MYO10: variants seen among roughly 807,000 people sequenced by gnomAD.
MYO10 encodes unconventional myosin-X.
MYO10 carries 133 observed loss-of-function variants against 257.3 expected under a neutral mutation model. That is an observed-to-expected ratio of 0.52 (90% confidence interval 0.45 to 0.60). The LOEUF (loss-of-function observed/expected upper bound fraction) is 0.60. Among genes scored for constraint, MYO10 ranks in the 20% least tolerant of loss-of-function variants. The pLI is 0.00. For missense variants in MYO10, 2,399 were observed against 2,635.7 expected (o/e 0.91, Z 1.97); for synonymous variants, 1,104 against 1,028.6 (o/e 1.07, Z -1.40).
At chr5:16,862,591 CA>C (rs1561024343) in intron 2 of MYO10, among the ~76,000 whole-genome samples, 1 of 152,096 alleles carries the variant, frequency 6.6e-6, no homozygotes, top group East Asian at 1.9e-4. Flanking sequence ...ACAACAAAAG[CA>C]TAGTATTTAT....
intron 19 of MYO10, among the ~76,000 whole-genome samples, chr5:16,748,473 G>A (rs1740277809): frequency 6.6e-6 from 1 of 151,696 alleles, no homozygotes. Context: ...TCGAACTCCT[G>A]GCCTCAAGTG....
intron 8 of MYO10, among the ~76,000 whole-genome samples, chr5:16,780,315 A>T (rs1379180786): frequency 1.4e-5 from 1 of 72,278 alleles, no homozygotes; most frequent in African/African-American, 3.3e-5. Context: ...AGACTCAAAA[A>T]AAAAAATCTA....
chr5:16,887,095 A>C lies in MYO10; in HGVS notation c.22-9388T>G, dbSNP rs1044080140. Among the ~76,000 whole-genome samples the C allele has an allele frequency of 2.0e-5, 3 of 152,206 alleles. 1 individual carries two copies. The South Asian group carries it at 6.2e-4, about 32-fold the overall frequency. On this transcript the variant is annotated intron_variant, in intron 1 of 40. Coordinates refer to ENST00000513610, the MANE Select transcript of MYO10 (RefSeq NM_012334.3). Reference sequence around the variant, plus strand: ...TAAAGTTCACAGACCAATTTGTCCCATGTTTTTGGTCCTTCCCAGCTCTCT... The same window carrying C: ...TAAAGTTCACAGACCAATTTGTCCCCTGTTTTTGGTCCTTCCCAGCTCTCT...
intron 19 of MYO10, among the ~76,000 whole-genome samples, chr5:16,740,710 C>T (rs899325896): frequency 1.3e-5 from 2 of 151,998 alleles, no homozygotes; most frequent in Admixed American, 1.3e-4. Context: ...AATGCGGTTC[C>T]GGACCTGAGG....
At chr5:16,679,343 C>T (rs1736876295) in intron 33 of MYO10, among the ~76,000 whole-genome samples, 1 of 152,184 alleles carries the variant, frequency 6.6e-6, no homozygotes, top group African/African-American at 2.4e-5. Flanking sequence ...GGGAGCCCCA[C>T]AGTGCAAGCT....
chr5:16,762,164 C>T lies in MYO10; in HGVS notation c.1588-51G>A, dbSNP rs369265094. 34 of 1,383,208 alleles carry T rather than the reference C, an allele frequency of 2.5e-5. No individual in the cohort carries two copies. The African/African-American group carries it at 4.8e-4, about 19-fold the overall frequency. 85.7% of individuals were successfully genotyped at this position (1,383,208 alleles called of 1,614,324 possible). A position where few individuals can be genotyped will look rare whatever the true frequency, so the allele number is the denominator to read the frequency against. ...AAAAAATACAATGCCTTATTTCACT[C>T]ACTGATTTCCTTTGACTTCCAGAGA... On this transcript the variant is annotated intron_variant, in intron 15 of 40. Coordinates refer to ENST00000513610, the MANE Select transcript of MYO10 (RefSeq NM_012334.3).
intron 2 of MYO10, among the ~76,000 whole-genome samples, chr5:16,820,473 A>T (rs532793056): frequency 1.3e-5 from 2 of 152,310 alleles, no homozygotes; most frequent in East Asian, 3.9e-4. Flanking sequence ...AGCTCCCGGC[A>T]CACACCTGAG....
chr5:16,766,189 C>CT lies in MYO10; in HGVS notation c.1069dup (p.Arg357LysfsTer55). On this transcript the variant is annotated frameshift_variant, in exon 11 of 41. Transcript: ENST00000513610. LOFTEE classifies it high-confidence loss of function. ...GTCCAGCCCAAGTAACTCCGCAGAT[C>CT]TGCCCAAAGCTGCAGAGAATAAGAC... 6.2e-7 allele frequency: 1 copy of CT among 1,611,998 alleles called. No individual in the cohort carries two copies. Among genetic ancestry groups the CT allele is most frequent in the Non-Finnish European group, 8.5e-7 (1 of 1,178,306 alleles).
chr5:16,855,698 C>T (rs1393487379), intron 2 of MYO10, among the ~76,000 whole-genome samples: 1 of 152,186 alleles, frequency 6.6e-6, no homozygotes, highest in Non-Finnish European at 1.5e-5. Context: ...ACAGCATATG[C>T]TCCAACCCAT....
At chr5:16,822,606 C>G (rs566949684) in intron 2 of MYO10, among the ~76,000 whole-genome samples, 1 of 151,870 alleles carries the variant, frequency 6.6e-6, no homozygotes, top group Non-Finnish European at 1.5e-5. Context: ...CAGCGCCCTG[C>G]GTTCTAGTAT....
intron 1 of MYO10, among the ~76,000 whole-genome samples, chr5:16,917,550 T>C (rs1466629423): frequency 6.6e-6 from 1 of 152,036 alleles, no homozygotes; most frequent in Admixed American, 6.6e-5. Context: ...AGAACTACCA[T>C]TCTATGCAAA....
chr5:16,834,469 G>A (rs2126720849), intron 2 of MYO10, among the ~76,000 whole-genome samples: 1 of 152,202 alleles, frequency 6.6e-6, no homozygotes, highest in Non-Finnish European at 1.5e-5. Flanking sequence ...TCAATCTGTG[G>A]GGACCAGGAC....
intron 25 of MYO10, 90 bp from the exon 26 acceptor site, chr5:16,699,663 CAAA>C (rs776082770): frequency 2.6e-6 from 4 of 1,536,486 alleles, no homozygotes; most frequent in African/African-American, 1.4e-5. Context: ...TGAAAAAATA[CAAA>C]AATACAGCTA....
intron 33 of MYO10, among the ~76,000 whole-genome samples, chr5:16,677,623 GCCAGGATGGT>G: frequency 6.6e-6 from 1 of 151,804 alleles, no homozygotes; most frequent in South Asian, 2.1e-4. Context: ...CACCGTGTTA[GCCAGGATGGT>G]CTCAATCTCC....
rs149197755 is a variant in MYO10 at position 16,827,107 on chromosome 5, T to C, written c.121-8940A>G. On this transcript the variant is annotated intron_variant, in intron 2 of 40. Transcript: ENST00000513610. ...TTCCTCACAAGACTGGAGAAATTAT[T>C]TGGGGGCAAGAAAACGTCAAGTCCC... 1.7e-3 allele frequency among the ~76,000 whole-genome samples: 252 copies of C among 152,200 alleles called. 1 individual carries two copies. Among genetic ancestry groups the C allele is most frequent in the African/African-American group, 4.0e-3 (166 of 41,498 alleles).
rs903428123 is a variant in MYO10 at position 16,704,648 on chromosome 5, T to G, written c.2207A>C (p.Lys736Thr). ...LRESLEQKLE[K>T]RREEEVSHAA... is the part of the protein sequence containing the mutation. ...GTGGCTCACTTCCTCTTCCCTCCGC[T>G]TCTCCAGTTTCTGTTCCAAGGATTC... Residue 736 changes from lysine (K) to threonine (T), a missense_variant, in exon 22 of 41, where the codon AAG (lysine) becomes ACG (threonine). By Grantham distance (78) the Lys-to-Thr change is moderately conservative. Transcript: ENST00000513610. 3.1e-6 allele frequency: 5 copies of G among 1,613,932 alleles called. No individual in the cohort carries two copies. The highest frequency in any genetic ancestry group is 4.2e-6 in the Non-Finnish European group (5 of 1,179,876).
intron 26 of MYO10, among the ~76,000 whole-genome samples, chr5:16,698,136 C>T (rs1737847123): frequency 6.6e-6 from 1 of 152,148 alleles, no homozygotes; most frequent in South Asian, 2.1e-4. Flanking sequence ...TTTGGGAGGC[C>T]AAGGTGGGAG....
At chr5:16,897,554 T>C (rs1413765633) in intron 1 of MYO10, among the ~76,000 whole-genome samples, 1 of 152,238 alleles carries the variant, frequency 6.6e-6, no homozygotes, top group African/African-American at 2.4e-5. Flanking sequence ...GCAGATGTGC[T>C]GCTCTCTCTC....
Position 16,699,443 on chromosome 5 carries a change from G to A in MYO10, c.3556+7C>T. On this transcript the variant is annotated splice_region_variant and intron_variant, in intron 26 of 40. Coordinates refer to ENST00000513610, the MANE Select transcript of MYO10 (RefSeq NM_012334.3). ...TAACCCAGACTCCATGGCGGCTGCA[G>A]TCATACCTTTCATGTACAGAAAGCT... 2 of 1,613,488 alleles carry A rather than the reference G, an allele frequency of 1.2e-6. No individual in the cohort carries two copies. Among genetic ancestry groups the A allele is most frequent in the Non-Finnish European group, 1.7e-6 (2 of 1,179,672 alleles).
Sources: gnomAD v4.1 joint callset for allele counts (sites outside exome capture counted in the v4.1 genomes callset) on GRCh38, gnomAD v4.1.1 for gene constraint, MANE v1.5 for transcripts, NCBI Gene and HGNC (gene_info 2026-07-23, HGNC 2026-07-21) for gene names.